The following COL5A1 variants were observed in gnomAD, a reference collection of about 807,000 sequenced individuals.
The protein encoded by COL5A1 is collagen alpha-1(V) chain.
A neutral mutation model predicts 263.7 loss-of-function variants in COL5A1; 16 were observed. The observed-to-expected ratio is 0.06, with a 90% CI of 0.04 to 0.09. COL5A1 has a LOEUF of 0.09. Ranked by LOEUF, COL5A1 falls within the 10% of genes least tolerant of loss-of-function variation. The pLI is 1.00. For missense variants in COL5A1, 2,036 were observed against 2,540.5 expected (o/e 0.80, Z 4.27); for synonymous variants, 1,012 against 1,004.5 (o/e 1.01, Z -0.14).
At position 134,785,294 on chromosome 9, in the gene COL5A1, C is replaced by T. The variant is rs554706600; in HGVS notation, c.2592+198C>T. Among the ~76,000 whole-genome samples, 4 of 152,244 alleles carry T rather than the reference C, an allele frequency of 2.6e-5. No individual in the cohort carries two copies. In the South Asian group the frequency reaches 6.2e-4, roughly 24 times the overall value. On this transcript the variant is annotated intron_variant, in intron 30 of 65. Coordinates refer to ENST00000371817, the MANE Select transcript of COL5A1 (RefSeq NM_000093.5). ...TTGAATGATGACCCTTTCCTTGTCCCGGGTTCGCCCTTTCCCAGCCCTCCA... is the reference window on the plus strand; with the variant it reads ...TTGAATGATGACCCTTTCCTTGTCCTGGGTTCGCCCTTTCCCAGCCCTCCA...
At chr9:134,749,286 G>T (rs76717271) in intron 11 of COL5A1, among the ~76,000 whole-genome samples, 278 of 152,328 alleles carry the variant, frequency 1.8e-3, no homozygotes, top group African/African-American at 6.4e-3. Flanking sequence ...TCATAGTGAT[G>T]AATGTGTTAG....
rs1331405587 is a variant in COL5A1, at chr9:134,647,977, A to G, written c.109+5681A>G. Among the ~76,000 whole-genome samples the G allele has an allele frequency of 6.6e-6, 1 of 152,122 alleles. No homozygotes were observed. Among genetic ancestry groups the G allele is most frequent in the East Asian group, 1.9e-4 (1 of 5,186 alleles). On this transcript the variant is annotated intron_variant, in intron 1 of 65. Coordinates refer to ENST00000371817, the MANE Select transcript of COL5A1 (RefSeq NM_000093.5). The surrounding 1 kb of genome is among the most constrained non-coding windows in gnomAD (Gnocchi z 5.0). ...ACAAGTATTAATCCTGCGTGTGTCT[A>G]TGAGAGTGTTGCCAAAGGAGATTAA...
intron 64 of COL5A1, among the ~76,000 whole-genome samples, chr9:134,833,202 G>A (rs565160508): frequency 3.5e-4 from 54 of 152,220 alleles, no homozygotes; most frequent in Non-Finnish European, 7.1e-4. Context: ...CTTCATTTCG[G>A]GGAGCTAAGA....
chr9:134,742,823 G>T lies in COL5A1; in HGVS notation c.1494+4015G>T, dbSNP rs573607454. ...CCTATGATGCCATGGTGGCAGTGCCGTGCCCCTGTGGGTCGCTGAGCAGTG... is the reference window on the plus strand; with the variant it reads ...CCTATGATGCCATGGTGGCAGTGCCTTGCCCCTGTGGGTCGCTGAGCAGTG... On this transcript the variant is annotated intron_variant, in intron 11 of 65. Coordinates refer to ENST00000371817, the MANE Select transcript of COL5A1 (RefSeq NM_000093.5). The surrounding 1 kb of genome is among the most constrained non-coding windows in gnomAD (Gnocchi z 4.6). 6.6e-6 allele frequency among the ~76,000 whole-genome samples: 1 copy of T among 152,196 alleles called. No individual in the cohort carries two copies. Among genetic ancestry groups the T allele is most frequent in the Admixed American group, 6.5e-5 (1 of 15,284 alleles).
At chr9:134,730,118 GC>G (rs1283836415) in intron 6 of COL5A1, 117 bp from the exon 7 acceptor site, 13 of 1,473,764 alleles carry the variant, frequency 8.8e-6, no homozygotes, top group Non-Finnish European at 1.2e-5. Context: ...CTCTTGACAG[GC>G]CTGGGCTCCA....
At position 134,755,391 on chromosome 9, in the gene COL5A1, G is replaced by A. The variant is rs1414469766; in HGVS notation, c.1827+1065G>A. On this transcript the variant is annotated intron_variant, in intron 16 of 65. Transcript: ENST00000371817. The surrounding 1 kb of genome is among the most constrained non-coding windows in gnomAD (Gnocchi z 4.1). Reference sequence around the variant, plus strand: ...AGACTCGGGAAATGCTGTCTAACATGGCCAGCTGCAGAGTTGCATGGTGTC... The same window carrying A: ...AGACTCGGGAAATGCTGTCTAACATAGCCAGCTGCAGAGTTGCATGGTGTC... Among the ~76,000 whole-genome samples the A allele has an allele frequency of 6.6e-6, 1 of 152,190 alleles. No individual in the cohort carries two copies. The highest frequency in any genetic ancestry group is 2.4e-5 in the African/African-American group (1 of 41,442).
chr9:134,648,182 A>G (rs1307609271), intron 1 of COL5A1, among the ~76,000 whole-genome samples: 4 of 151,706 alleles, frequency 2.6e-5, no homozygotes, highest in Non-Finnish European at 4.4e-5. Context: ...TCGGACTCCA[A>G]GTTCTTCAGG....
chr9:134,762,099 C>G, intron 19 of COL5A1, 121 bp downstream of exon 19: 1 of 990,046 alleles, frequency 1.0e-6, no homozygotes, highest in Non-Finnish European at 1.6e-6. Flanking sequence ...GGAGGGCCAG[C>G]TGGGAGAAGG....
chr9:134,719,560 C>T (rs1020462837), intron 4 of COL5A1, among the ~76,000 whole-genome samples: 1 of 152,180 alleles, frequency 6.6e-6, no homozygotes, highest in Admixed American at 6.5e-5. Flanking sequence ...GGGTGTTTGG[C>T]CCTGCAGGAG....
In COL5A1 at chr9:134,824,655, G is replaced by T. The variant is rs531431738; in HGVS notation, c.4754G>T (p.Arg1585Leu). ...PLPIQASRTR[R>L]NIDASQLLDD... ...CCAATCCAGGCATCCAGGACGCGGC[G>T]GAACATCGACGCCAGCCAGCTGCTG... is the stretch of plus-strand genomic sequence containing the variant. Residue 1585 changes from arginine (R) to leucine (L), a missense_variant, in exon 62 of 66, where the codon CGG becomes CTG. Arg to Leu is a moderately radical substitution (Grantham distance 102, BLOSUM62 -2). Coordinates refer to ENST00000371817, the MANE Select transcript of COL5A1 (RefSeq NM_000093.5). 16 of 1,614,048 alleles carry T rather than the reference G, an allele frequency of 9.9e-6. No individual in the cohort carries two copies. Among genetic ancestry groups the T allele is most frequent in the South Asian group, 2.2e-5 (2 of 91,086 alleles).
At chr9:134,764,525 G>A (rs947929451) in intron 20 of COL5A1, among the ~76,000 whole-genome samples, 16 of 152,242 alleles carry the variant, frequency 1.1e-4, no homozygotes, top group Middle Eastern at 6.8e-3. Flanking sequence ...GCATGGGAAA[G>A]CTCTTCCCTA....
chr9:134,760,098 ACCCCCACACTCATACACG>A (rs1326902847), intron 18 of COL5A1, among the ~76,000 whole-genome samples: 7 of 94,076 alleles, frequency 7.4e-5, no homozygotes, highest in East Asian at 3.4e-4. Flanking sequence ...ACGCCCACAC[ACCCCCACACTCATACACG>A]CCCACACACC....
intron 64 of COL5A1, among the ~76,000 whole-genome samples, chr9:134,833,552 C>T (rs1050030704): frequency 2.0e-4 from 30 of 152,256 alleles, no homozygotes; most frequent in African/African-American, 2.2e-4. Flanking sequence ...CCTGAGGAGA[C>T]GCTTCTGGGA....
In COL5A1 at chr9:134,652,607, C is replaced by G; in HGVS notation, c.109+10311C>G. On this transcript the variant is annotated intron_variant, in intron 1 of 65. Coordinates refer to ENST00000371817, the MANE Select transcript of COL5A1 (RefSeq NM_000093.5). The surrounding 1 kb of genome is among the most constrained non-coding windows in gnomAD (Gnocchi z 4.4). ...GAGTCCGAGGATGCTGCTCTGCACC[C>G]CACAGTGCACGGGACAGCCCCCACC... 4.4e-6 allele frequency: 2 copies of G among 450,536 alleles called. No homozygotes were observed. The highest frequency in any genetic ancestry group is 9.4e-6 in the Non-Finnish European group (2 of 213,482). The allele number at this position is 450,536 out of a possible 1,614,324, so 27.9% of individuals were successfully genotyped here. A position where few individuals can be genotyped will look rare whatever the true frequency, so the allele number is the denominator to read the frequency against.
At chr9:134,687,721 C>T (rs968817919) in intron 1 of COL5A1, among the ~76,000 whole-genome samples, 2 of 152,184 alleles carry the variant, frequency 1.3e-5, no homozygotes, top group South Asian at 2.1e-4. Flanking sequence ...TCACTGAGCA[C>T]CTGGGCTGCT....
intron 4 of COL5A1, among the ~76,000 whole-genome samples, chr9:134,705,410 TCTGG>T (rs1401438538): frequency 6.6e-6 from 1 of 152,170 alleles, no homozygotes; most frequent in Non-Finnish European, 1.5e-5. Flanking sequence ...AGCCCCTGAG[TCTGG>T]TTCTAGTGGG....
At chr9:134,661,223 G>A (rs759458071) in intron 1 of COL5A1, among the ~76,000 whole-genome samples, 2 of 151,840 alleles carry the variant, frequency 1.3e-5, no homozygotes, top group African/African-American at 2.4e-5. Context: ...CAGGGAAGCT[G>A]CCCATCAGCC....
chr9:134,827,047 T>G (rs10125373), intron 63 of COL5A1, among the ~76,000 whole-genome samples: 110,689 of 152,106 alleles, frequency 0.73, 40,418 homozygotes, highest in South Asian at 0.81. Context: ...TTGAACGGCC[T>G]CTCCTTCATG....
At chr9:134,840,509 A>G (rs1021591235) in intron 65 of COL5A1, among the ~76,000 whole-genome samples, 1 of 152,158 alleles carries the variant, frequency 6.6e-6, no homozygotes, top group Non-Finnish European at 1.5e-5. Flanking sequence ...AGCCCCCCAA[A>G]TTTAGCAGCT....
Sources: gnomAD v4.1 joint callset for allele counts (sites outside exome capture counted in the v4.1 genomes callset) on GRCh38, gnomAD v4.1.1 for gene constraint, Gnocchi (gnomAD v3.1) non-coding constraint, MANE v1.5 for transcripts, NCBI Gene and HGNC (gene_info 2026-07-23, HGNC 2026-07-21) for gene names.